The following RGL1 variants were observed in gnomAD, a reference collection of about 807,000 sequenced individuals.
RGL1 encodes ral guanine nucleotide dissociation stimulator-like 1.
Under a neutral mutation model 95.2 loss-of-function variants are expected in RGL1, and 24 were observed. The ratio of observed to expected loss-of-function variants is 0.25; its 90% CI spans 0.18 to 0.35. The LOEUF is 0.35. Among genes scored for constraint, RGL1 ranks in the 10% least tolerant of loss-of-function variants. The pLI, the probability that RGL1 is intolerant of heterozygous loss-of-function variation, is 1.00. For synonymous variants in RGL1, 329 were observed against 344.9 expected, an observed-to-expected ratio of 0.95 and a Z score of 0.51; for missense variants, 715 against 936.3, an observed-to-expected ratio of 0.76 and a Z score of 3.08.
rs552644059 is a variant in RGL1 at position 183,685,338 on chromosome 1, G to A, written c.-33+48837G>A. Among the ~76,000 whole-genome samples the A allele has an allele frequency of 4.9e-4, 74 of 152,116 alleles. 1 individual carries two copies. Among genetic ancestry groups the A allele is most frequent in the Admixed American group, 9.2e-4 (14 of 15,260 alleles). On this transcript the variant is annotated intron_variant, in intron 1 of 18. Transcript: ENST00000304685. Reference sequence around the variant, plus strand: ...CCTTGAATTACAATTAGAGGCACCCGCATGGGATCTGGGAGACTAAGAAAT... The same window carrying A: ...CCTTGAATTACAATTAGAGGCACCCACATGGGATCTGGGAGACTAAGAAAT...
chr1:183,813,547 A>G (rs1367357527), intron 2 of RGL1, among the ~76,000 whole-genome samples: 4 of 152,164 alleles, frequency 2.6e-5, no homozygotes, highest in African/African-American at 4.8e-5. Flanking sequence ...CTGTTTCCCT[A>G]CAAACCAAAC....
intron 1 of RGL1, among the ~76,000 whole-genome samples, chr1:183,688,255 AG>A (rs1409051302): frequency 6.6e-6 from 1 of 152,220 alleles, no homozygotes; most frequent in Admixed American, 6.5e-5. Flanking sequence ...AAAGATGCCA[AG>A]ATCTGAACTC....
At chr1:183,656,406 G>T (rs966510677) in intron 1 of RGL1, among the ~76,000 whole-genome samples, 2 of 152,178 alleles carry the variant, frequency 1.3e-5, no homozygotes, top group Non-Finnish European at 2.9e-5. Context: ...TCAGCCTAAA[G>T]GTTTCTTCGT....
At chr1:183,675,019 T>C (rs1652722472) in intron 1 of RGL1, among the ~76,000 whole-genome samples, 1 of 152,212 alleles carries the variant, frequency 6.6e-6, no homozygotes, top group Non-Finnish European at 1.5e-5. Context: ...TGAAAGCTAT[T>C]TTACACATCA....
chr1:183,771,947 G>A (rs559372344), intron 2 of RGL1, among the ~76,000 whole-genome samples: 3 of 152,312 alleles, frequency 2.0e-5, no homozygotes, highest in Admixed American at 6.5e-5. Context: ...GAACACGCCG[G>A]CGGAAGAGCA....
At chr1:183,753,328 T>C (rs905282206) in intron 2 of RGL1, among the ~76,000 whole-genome samples, 2 of 152,238 alleles carry the variant, frequency 1.3e-5, no homozygotes, top group African/African-American at 4.8e-5. Flanking sequence ...TTAAAAATCT[T>C]CTAGTCATTT....
At chr1:183,906,841 C>T (rs915314240) in intron 13 of RGL1, among the ~76,000 whole-genome samples, 171 bp from the exon 14 acceptor site, 5 of 152,148 alleles carry the variant, frequency 3.3e-5, no homozygotes, top group African/African-American at 7.2e-5. Flanking sequence ...TGTGTCAAAT[C>T]GGGCCGTGAA....
intron 2 of RGL1, among the ~76,000 whole-genome samples, chr1:183,787,381 C>T (rs949174665): frequency 6.6e-6 from 1 of 152,178 alleles, no homozygotes; most frequent in African/African-American, 2.4e-5. Flanking sequence ...TTCAGTACTT[C>T]TAAAGTTGTC....
chr1:183,758,198 ATT>A (rs56900976), intron 2 of RGL1, among the ~76,000 whole-genome samples: 2 of 144,028 alleles, frequency 1.4e-5, no homozygotes, highest in African/African-American at 2.6e-5. Flanking sequence ...AAACGATAGA[ATT>A]TTTTTTTTTT....
At chr1:183,748,090 T>C (rs1029402160) in intron 2 of RGL1, among the ~76,000 whole-genome samples, 17 of 152,266 alleles carry the variant, frequency 1.1e-4, no homozygotes, top group Middle Eastern at 3.4e-3. Flanking sequence ...GAATTTCTTC[T>C]AGATTTTCTA....
intron 2 of RGL1, among the ~76,000 whole-genome samples, chr1:183,826,945 C>CA: frequency 6.6e-6 from 1 of 151,802 alleles, no homozygotes; most frequent in East Asian, 1.9e-4. Context: ...TTTTTCGAGA[C>CA]AGAGTGTCAC....
intron 1 of RGL1, among the ~76,000 whole-genome samples, chr1:183,638,578 T>G (rs962205788): frequency 6.6e-6 from 1 of 152,212 alleles, no homozygotes; most frequent in Non-Finnish European, 1.5e-5. Context: ...TTTAATTATC[T>G]TTTAATTAGA....
At chr1:183,742,129 C>T (rs757159730) in exon 2 of RGL1, 52 of 1,612,842 alleles carry the variant, frequency 3.2e-5, no homozygotes, top group East Asian at 1.1e-4. Context: ...CACACAGATC[C>T]GTAATGCCTC....
chr1:183,651,828 A>C (rs1052546017), intron 1 of RGL1, among the ~76,000 whole-genome samples: 1 of 152,156 alleles, frequency 6.6e-6, no homozygotes, highest in African/African-American at 2.4e-5. Flanking sequence ...TTGGAACCTG[A>C]CGCCATTTCC....
At chr1:183,838,095 A>G (rs1663791588) in intron 2 of RGL1, among the ~76,000 whole-genome samples, 1 of 152,190 alleles carries the variant, frequency 6.6e-6, no homozygotes, top group Non-Finnish European at 1.5e-5. Context: ...GCAGAAAAGT[A>G]TCAGATGAAA....
intron 3 of RGL1, among the ~76,000 whole-genome samples, chr1:183,862,279 T>C (rs963211960): frequency 1.1e-4 from 17 of 152,118 alleles, no homozygotes; most frequent in Admixed American, 5.2e-4. Context: ...GGAGGCTTGC[T>C]CAAACCTAGA....
rs543218874 is a variant in RGL1 at position 183,746,267 on chromosome 1, T to C, written c.132+3978T>C. Among the ~76,000 whole-genome samples the C allele has an allele frequency of 3.9e-5, 6 of 152,254 alleles. No homozygotes were observed. In the South Asian group the frequency reaches 1.2e-3, roughly 32 times the overall value. On this transcript the variant is annotated intron_variant, in intron 2 of 18. Coordinates refer to the RGL1 transcript ENST00000304685. ...TGTGTTTAATCATCCTTTTGCTTTT[T>C]AAAAAGTCTTTACTGCATATGTGTA...
rs376147848 is a variant in RGL1 at position 183,904,978 on chromosome 1, T to C, written c.1472+7T>C. On this transcript the variant is annotated splice_region_variant and intron_variant, in intron 13 of 17. Coordinates refer to ENST00000360851, the MANE Select transcript of RGL1 (RefSeq NM_001297671.3). ...TCCTGACAGAGGAGGAGAGGTGGGATCACCTGTCGTTCATCGGGGTAGAAC... is the reference window on the plus strand; with the variant it reads ...TCCTGACAGAGGAGGAGAGGTGGGACCACCTGTCGTTCATCGGGGTAGAAC... The C allele has an allele frequency of 4.3e-5, 70 of 1,609,282 alleles. No individual in the cohort carries two copies. The African/African-American group carries it at 9.1e-4, about 21-fold the overall frequency.
chr1:183,809,796 A>T (rs1159589061), intron 2 of RGL1, among the ~76,000 whole-genome samples: 2 of 152,114 alleles, frequency 1.3e-5, no homozygotes, highest in Non-Finnish European at 2.9e-5. Context: ...AAATAAAAAT[A>T]AAATTAAAAA....
Sources: allele counts gnomAD v4.1 joint callset (sites outside exome capture counted in the v4.1 genomes callset), GRCh38; gene constraint gnomAD v4.1.1; transcripts MANE v1.5; gene names NCBI Gene and HGNC (gene_info 2026-07-23, HGNC 2026-07-21).